Variants in PATJ observed in about 807,000 individuals in gnomAD.
The protein encoded by PATJ is inaD-like protein.
PATJ carries 190 observed loss-of-function variants against 224.9 expected under a neutral mutation model. The observed-to-expected ratio is 0.84, with a 90% confidence interval of 0.75 to 0.95. PATJ has a LOEUF of 0.95. Among genes scored for constraint, PATJ ranks in the 40% least tolerant of loss-of-function variants. The probability of loss-of-function intolerance (pLI) is 0.00; values close to 1 mark genes in which losing one functional copy is unlikely to be tolerated. For synonymous variants in PATJ, 769 were observed against 820.3 expected (o/e 0.94, Z 1.07); for missense variants, 2,121 against 2,270.3 (o/e 0.93, Z 1.34).
chr1:61,959,435 T>A (rs1306366638), intron 27 of PATJ, among the ~76,000 whole-genome samples: 7,289 of 104,254 alleles, frequency 0.07, 321 homozygotes, highest in African/African-American at 0.11. Context: ...ATTTTTTTTC[T>A]TTTCTTTTTT....
At chr1:61,748,368 C>A (rs918797219) in intron 1 of PATJ, among the ~76,000 whole-genome samples, 3 of 146,192 alleles carry the variant, frequency 2.1e-5, no homozygotes, top group African/African-American at 7.6e-5. Context: ...CATTCTCCTG[C>A]CTCAGCCTCC....
intron 18 of PATJ, among the ~76,000 whole-genome samples, chr1:61,861,104 T>G (rs909319488): frequency 6.6e-6 from 1 of 151,240 alleles, no homozygotes; most frequent in Non-Finnish European, 1.5e-5. Flanking sequence ...GGGAAAGTGA[T>G]TTTTCTTTAA....
chr1:62,067,518 A>G (rs1656692062), intron 31 of PATJ, among the ~76,000 whole-genome samples: 1 of 152,124 alleles, frequency 6.6e-6, no homozygotes, highest in African/African-American at 2.4e-5. Context: ...GGTGGGGACT[A>G]TTATCATCTT....
intron 41 of PATJ, among the ~76,000 whole-genome samples, chr1:62,147,426 G>A (rs79448689): frequency 0.015 from 2,244 of 152,248 alleles, 63 homozygotes; most frequent in African/African-American, 0.052. Context: ...TTGGGATATC[G>A]AGACGGGCGG....
At chr1:61,997,115 A>G (rs1281367304) in intron 28 of PATJ, among the ~76,000 whole-genome samples, 1 of 152,192 alleles carries the variant, frequency 6.6e-6, no homozygotes, top group African/African-American at 2.4e-5. Context: ...TGGTTTCACT[A>G]ATACTAAATA....
At chr1:61,870,511 G>A (rs1467053073) in intron 20 of PATJ, among the ~76,000 whole-genome samples, 2 of 152,072 alleles carry the variant, frequency 1.3e-5, no homozygotes, top group South Asian at 2.1e-4. Context: ...CTTGAGGGTG[G>A]GGTTTTGTCA....
intron 7 of PATJ, among the ~76,000 whole-genome samples, chr1:61,779,911 G>A (rs1275521774): frequency 6.6e-6 from 1 of 151,934 alleles, no homozygotes; most frequent in Non-Finnish European, 1.5e-5. Context: ...AGTGGTGGGT[G>A]GGGGGCAACT....
At chr1:61,919,469 A>C (rs976076538) in intron 26 of PATJ, among the ~76,000 whole-genome samples, 1 of 146,444 alleles carries the variant, frequency 6.8e-6, no homozygotes, top group African/African-American at 2.5e-5. Context: ...ACGCCCAGCT[A>C]GTTTTTTGTA....
intron 42 of PATJ, among the ~76,000 whole-genome samples, chr1:62,150,901 G>T (rs879617172): frequency 2.0e-5 from 3 of 152,142 alleles, no homozygotes; most frequent in Non-Finnish European, 4.4e-5. Context: ...CCAGCACTTC[G>T]GGAGGCCGAG....
chr1:62,065,990 T>C (rs1237157768), intron 31 of PATJ, among the ~76,000 whole-genome samples: 5 of 152,200 alleles, frequency 3.3e-5, no homozygotes, highest in Admixed American at 1.3e-4. Flanking sequence ...ATCTAAAACG[T>C]GTGTTGATTT....
intron 28 of PATJ, among the ~76,000 whole-genome samples, chr1:62,003,263 A>C (rs1173384399): frequency 2.0e-5 from 3 of 152,246 alleles, no homozygotes; most frequent in Non-Finnish European, 4.4e-5. Flanking sequence ...AAATTAGAAC[A>C]ACACAGAAAC....
intron 41 of PATJ, among the ~76,000 whole-genome samples, chr1:62,138,994 G>T (rs1396877742): frequency 6.6e-6 from 1 of 151,978 alleles, no homozygotes; most frequent in Non-Finnish European, 1.5e-5. Context: ...TTGGCTGCAA[G>T]CTCTCTGGAG....
At chr1:61,787,287 A>G (rs754582042) in intron 7 of PATJ, among the ~76,000 whole-genome samples, 19 of 152,148 alleles carry the variant, frequency 1.2e-4, no homozygotes, top group South Asian at 2.1e-4. Flanking sequence ...TAACTCTCCC[A>G]TCTCTTAGAC....
At chr1:61,871,478 T>C (rs1666507385) in intron 20 of PATJ, among the ~76,000 whole-genome samples, 1 of 51,614 alleles carries the variant, frequency 1.9e-5, no homozygotes, top group Non-Finnish European at 3.4e-5. Context: ...TATATACATA[T>C]ATATGTGTAT....
At chr1:62,099,426 G>A (rs1357342193) in intron 33 of PATJ, among the ~76,000 whole-genome samples, 1 of 142,150 alleles carries the variant, frequency 7.0e-6, no homozygotes, top group Non-Finnish European at 1.5e-5. Context: ...CCTAATGCAG[G>A]GTAATAAGAC....
intron 21 of PATJ, among the ~76,000 whole-genome samples, chr1:61,881,600 C>T (rs1016725195): frequency 3.3e-5 from 5 of 151,792 alleles, no homozygotes; most frequent in South Asian, 2.1e-4. Context: ...TTAGTAGAGA[C>T]GGGATTTTGC....
intron 31 of PATJ, among the ~76,000 whole-genome samples, chr1:62,075,060 A>G (rs967623627): frequency 3.3e-5 from 5 of 152,222 alleles, no homozygotes; most frequent in African/African-American, 9.6e-5. Flanking sequence ...TTTTAGAGCT[A>G]GGGCGAATCC....
At chr1:61,752,266 G>A (rs1488383676) in intron 1 of PATJ, among the ~76,000 whole-genome samples, 1 of 150,678 alleles carries the variant, frequency 6.6e-6, no homozygotes, top group Non-Finnish European at 1.5e-5. Flanking sequence ...AAATTAGCAT[G>A]AGTTAACTGA....
At chr1:61,786,714 G>A (rs1374999430) in intron 7 of PATJ, among the ~76,000 whole-genome samples, 3 of 152,056 alleles carry the variant, frequency 2.0e-5, no homozygotes, top group South Asian at 2.1e-4. Context: ...TATCTTGGCC[G>A]GGCGCAGTGG....
Sources: allele counts gnomAD v4.1 joint callset (sites outside exome capture counted in the v4.1 genomes callset), GRCh38; gene constraint gnomAD v4.1.1; transcripts MANE v1.5; gene names NCBI Gene and HGNC (gene_info 2026-07-23, HGNC 2026-07-21).